DIDO1: variants seen among roughly 807,000 people sequenced by gnomAD.
The protein encoded by DIDO1 is death-inducer obliterator 1.
A neutral mutation model predicts 99.4 loss-of-function variants in DIDO1; 16 were observed. The observed-to-expected ratio is 0.16, with a 90% CI of 0.11 to 0.24. DIDO1 has a LOEUF of 0.24. DIDO1 is among the 10% of genes least tolerant of loss of function. The pLI is 1.00. For missense variants in DIDO1, 2,996 were observed against 3,014.0 expected, an observed-to-expected ratio of 0.99 and a Z score of 0.14; for synonymous variants, 1,366 against 1,239.1, an observed-to-expected ratio of 1.10 and a Z score of -2.15.
In DIDO1 at chr20:62,879,343, T is replaced by C. The variant is rs1344894787; in HGVS notation, c.6613A>G (p.Arg2205Gly). The C allele has an allele frequency of 2.6e-6, 4 of 1,553,840 alleles. No individual in the cohort carries two copies. The highest frequency in any genetic ancestry group is 3.5e-6 in the Non-Finnish European group (4 of 1,151,244). The change falls in exon 16 of 16, where the codon AGG becomes GGG. Residue 2205 changes from arginine to glycine, a missense_variant. Physicochemically the swap from Arg to Gly is moderately radical, Grantham distance 125. Coordinates refer to ENST00000395343, the MANE Select transcript of DIDO1 (RefSeq NM_001193369.2). This position sits in a 1 kb window ranked among gnomAD's most constrained non-coding sequence, Gnocchi z 6.3. ...TCCTTGCGGTCGCGGCCCCGCTCCCTGTCCCTGGCCTTGTCTCGGTCCCGC... is the reference window on the plus strand; with the variant it reads ...TCCTTGCGGTCGCGGCCCCGCTCCCCGTCCCTGGCCTTGTCTCGGTCCCGC... The part of the protein sequence containing the change: ...RERDRDKARD[R>G]ERGRDRKDRS...
At chr20:62,920,505 G>A (rs1279285542) in intron 1 of DIDO1, among the ~76,000 whole-genome samples, 2 of 152,216 alleles carry the variant, frequency 1.3e-5, no homozygotes, top group Non-Finnish European at 2.9e-5. Flanking sequence ...GCCCCAAGGG[G>A]CAAGCACATG....
In DIDO1 at chr20:62,907,163, G is replaced by C. The variant is rs759451853; in HGVS notation, c.1358C>G (p.Pro453Arg). The part of the protein sequence containing the change: ...MKMKPEKPSL[P>R]KCGAQAGIKI... ...TCCACTCACCTGAGCACCGCATTTC[G>C]GAAGACTGGGCTTCTCTGGCTTCAT... Residue 453 changes from proline (P) to arginine (R), a missense_variant, in exon 5 of 16, where the codon CCG becomes CGG. By Grantham distance (103) the Pro-to-Arg change is moderately radical. Coordinates refer to ENST00000395343, the MANE Select transcript of DIDO1 (RefSeq NM_001193369.2). The C allele has an allele frequency of 6.2e-7, 1 of 1,614,214 alleles. No homozygotes were observed.
In DIDO1 at chr20:62,879,238, C is replaced by T. The variant is rs1456840130; in HGVS notation, c.6718G>A (p.Ala2240Thr). The change falls in exon 16 of 16, where the codon GCC (alanine) becomes ACC (threonine). Residue 2240 changes from alanine to threonine, a missense_variant. This residue lies in a region of DIDO1 where 1,562 missense variants were observed against 1,412.6 expected (regional missense o/e 1.11). Transcript: ENST00000395343. This position sits in a 1 kb window ranked among gnomAD's most constrained non-coding sequence, Gnocchi z 6.3. ...RASDAGTASQ[A>T] ...TCTCTGCCCGGCCGGGGCGTCTAGG[C>T]CTGCGAGGCGGTGCCAGCGTCGGAG... 1 of 1,522,108 alleles carries T rather than the reference C, an allele frequency of 6.6e-7. No homozygotes were observed. Among genetic ancestry groups the T allele is most frequent in the Non-Finnish European group, 8.8e-7 (1 of 1,139,908 alleles). 94.3% of individuals were successfully genotyped at this position (1,522,108 alleles called of 1,614,324 possible).
rs2064189052 is a variant in DIDO1, at chr20:62,880,857, T to C, written c.5099A>G (p.Tyr1700Cys). ...AGAATGAAGATTTCTTGGGTCCTCA[T>C]ACTGGGCTGAGCCGAGAGCCTTGTC... ...SQDKALGSAQ[Y>C]EDPRNLHSAG... Residue 1700 changes from tyrosine (Y) to cysteine (C), a missense_variant, in exon 16 of 16, where the codon TAT (tyrosine) becomes TGT (cysteine). By Grantham distance (194) the Tyr-to-Cys change is radical (BLOSUM62 -2). This residue lies in a region of DIDO1 where 1,562 missense variants were observed against 1,412.6 expected (regional missense o/e 1.11). Coordinates refer to ENST00000395343, the MANE Select transcript of DIDO1 (RefSeq NM_001193369.2). 6.2e-7 allele frequency: 1 copy of C among 1,612,720 alleles called. No homozygotes were observed. The highest frequency in any genetic ancestry group is 8.5e-7 in the Non-Finnish European group (1 of 1,179,974).
intron 6 of DIDO1, among the ~76,000 whole-genome samples, chr20:62,900,538 A>G (rs550009194): frequency 6.6e-6 from 1 of 152,330 alleles, no homozygotes; most frequent in South Asian, 2.1e-4. Context: ...CCCCAGTGGA[A>G]GTTTTAGCAG....
Position 62,919,464 on chromosome 20 carries a change from C to G in DIDO1, c.-199-5058G>C, listed in dbSNP as rs554794814. Among the ~76,000 whole-genome samples the G allele has an allele frequency of 4.4e-4, 67 of 151,934 alleles. 1 individual carries two copies. The South Asian group carries it at 0.013, about 30-fold the overall frequency. On this transcript the variant is annotated intron_variant, in intron 1 of 15. Coordinates refer to ENST00000395343, the MANE Select transcript of DIDO1 (RefSeq NM_001193369.2). ...CTGAGGCAGGAGAATCACTTAAACC[C>G]GGGAAGCGGAGGTTGCAGTGAGCTG...
intron 15 of DIDO1, among the ~76,000 whole-genome samples, chr20:62,886,861 G>A (rs564914255): frequency 1.3e-5 from 2 of 152,292 alleles, no homozygotes; most frequent in East Asian, 3.9e-4. Flanking sequence ...GAAAGACTTG[G>A]CAATTAAGGT....
chr20:62,885,500 G>A (rs930399972), intron 15 of DIDO1, among the ~76,000 whole-genome samples: 21 of 152,176 alleles, frequency 1.4e-4, no homozygotes, highest in African/African-American at 5.1e-4. Flanking sequence ...TCCCAACCCT[G>A]GCAAGACTCG....
At chr20:62,926,082 C>G (rs575346531) in intron 1 of DIDO1, among the ~76,000 whole-genome samples, 1 of 152,120 alleles carries the variant, frequency 6.6e-6, no homozygotes, top group South Asian at 2.1e-4. Flanking sequence ...CCGCACTCGC[C>G]CAGGCCAGCC....
In DIDO1 at chr20:62,892,950, T is replaced by G; in HGVS notation, c.3114A>C (p.Ser1038=). 6.2e-7 allele frequency: 1 copy of G among 1,612,132 alleles called. No homozygotes were observed. Among genetic ancestry groups the G allele is most frequent in the Non-Finnish European group, 8.5e-7 (1 of 1,178,798 alleles). ...TCGTGTCTCCCTCTGGAGGGGAACG[T>G]GATTCTGAAGTGCTGTAAAACAAAA... The part of the protein sequence containing the change: ...PPSPNISTSE[S]RSPPEGDTTL... Residue 1038 remains serine, a synonymous_variant, in exon 13 of 16, where the codon TCA becomes TCC. Transcript: ENST00000395343.
exon 1 of DIDO1, chr20:62,937,877 C>T (rs898505924): frequency 2.5e-5 from 10 of 398,458 alleles, no homozygotes; most frequent in South Asian, 1.3e-4. Context: ...GCCATCTTGC[C>T]AGAGGGCCGA....
Position 62,881,971 on chromosome 20 carries a change from C to T in DIDO1, c.3985G>A (p.Asp1329Asn), listed in dbSNP as rs778429998. ...CCGGGAGGCTCTCTGGCGGACGGGT[C>T]GAATGATTTCTTCTTTCCAAAGAGA... is the stretch of plus-strand genomic sequence containing the variant. Reference protein sequence around the residue: ...QTLFGKKKSFDPSAREPPGST... With the variant: ...QTLFGKKKSFNPSAREPPGST... Residue 1329 changes from aspartate to asparagine, a missense_variant, in exon 16 of 16, where the codon GAC (aspartate) becomes AAC (asparagine). By Grantham distance (23) the Asp-to-Asn change is conservative. Around this residue, in one of 5 missense-constraint regions of DIDO1, gnomAD observed 1,562 missense variants for 1,412.6 expected, o/e 1.11. Transcript: ENST00000395343. This position sits in a 1 kb window ranked among gnomAD's most constrained non-coding sequence, Gnocchi z 8.3. The T allele has an allele frequency of 3.1e-6, 5 of 1,613,304 alleles. No homozygotes were observed. The highest frequency in any genetic ancestry group is 3.4e-6 in the Non-Finnish European group (4 of 1,180,028).
chr20:62,907,288 C>T lies in DIDO1; in HGVS notation c.1233G>A (p.Val411=), dbSNP rs774124676. The change falls in exon 5 of 16, where the codon GTG becomes GTA. Residue 411 remains valine (V), a synonymous_variant. Transcript: ENST00000395343. ...TGAGGATACAGTCATTACTGCAGTA[C>T]ACCGAGTCGGGCTGCGCCACGTGAC... is the stretch of plus-strand genomic sequence containing the variant. The part of the protein sequence containing the change: ...GCCHVAQPDS[V]YCSNDCILKH... The T allele has an allele frequency of 6.2e-7, 1 of 1,614,240 alleles. No individual in the cohort carries two copies. The highest frequency in any genetic ancestry group is 1.1e-5 in the South Asian group (1 of 91,084).
At chr20:62,927,907 GC>G (rs764840877), upstream of DIDO1, among the ~76,000 whole-genome samples, 8 of 152,186 alleles carry the variant, frequency 5.3e-5, no homozygotes, top group Non-Finnish European at 1.0e-4. Flanking sequence ...TGCAAAGAGG[GC>G]TTTTTGCTCT....
At position 62,937,012 on chromosome 20, in the gene DIDO1, A is replaced by C. The variant is rs543938811; in HGVS notation, c.-200+784T>G. Among the ~76,000 whole-genome samples the C allele has an allele frequency of 3.9e-5, 6 of 152,376 alleles. No homozygotes were observed. The South Asian group carries it at 1.2e-3, about 32-fold the overall frequency. ...CAGATTTAGCTCTTTCGATTAACGG[A>C]AAATGTCCAAAATCAGTCTCCTCCA... On this transcript the variant is annotated intron_variant, in intron 1 of 15. Coordinates refer to the DIDO1 transcript ENST00000266070.
rs146989656 is a variant in DIDO1, at chr20:62,911,329, T to G, written c.284A>C (p.Asp95Ala). 8.1e-5 allele frequency: 131 copies of G among 1,608,178 alleles called. No homozygotes were observed. The highest frequency in any genetic ancestry group is 9.9e-5 in the Non-Finnish European group (117 of 1,179,940). The change falls in exon 3 of 16, where the codon GAT becomes GCT. Residue 95 changes from aspartate (D) to alanine (A), a missense_variant. Transcript: ENST00000395343. The surrounding 1 kb of genome is among the most constrained non-coding windows in gnomAD (Gnocchi z 7.0). ...GGGGCAGGACGTGGGCTCACCAGAA[T>G]CCTCCAGGGAGACAGGCATGCTCCT... ...GRRSMPVSLEDSGEPTSCPAT... is the reference protein window; with the variant it reads ...GRRSMPVSLEASGEPTSCPAT...
rs148606635 is a variant in DIDO1, at chr20:62,920,119, C to A, written c.-199-5713G>T. ...ACCACTTGGGCCCTGGTGAGGACCACAATGCACAGGTTCTTATCCCCATGA... is the reference window on the plus strand; with the variant it reads ...ACCACTTGGGCCCTGGTGAGGACCAAAATGCACAGGTTCTTATCCCCATGA... On this transcript the variant is annotated intron_variant, in intron 1 of 15. Transcript: ENST00000395343. Among the ~76,000 whole-genome samples, 25 of 152,306 alleles carry A rather than the reference C, an allele frequency of 1.6e-4. No homozygotes were observed. The East Asian group carries it at 4.6e-3, about 28-fold the overall frequency.
chr20:62,917,837 A>C (rs549238600), intron 1 of DIDO1, among the ~76,000 whole-genome samples: 1 of 152,348 alleles, frequency 6.6e-6, no homozygotes, highest in Admixed American at 6.5e-5. Flanking sequence ...TGCAAATGTC[A>C]AACTCACCAG....
intron 6 of DIDO1, among the ~76,000 whole-genome samples, chr20:62,900,440 G>A (rs1027757502): frequency 6.6e-6 from 1 of 152,232 alleles, no homozygotes; most frequent in Non-Finnish European, 1.5e-5. Context: ...GGTGGCACCA[G>A]GGCCTGAGCA....
Sources: allele counts gnomAD v4.1 joint callset (sites outside exome capture counted in the v4.1 genomes callset), GRCh38; gene constraint gnomAD v4.1.1; regional missense constraint gnomAD v4.1.1; non-coding constraint Gnocchi (gnomAD v3.1); transcripts MANE v1.5; gene names NCBI Gene and HGNC (gene_info 2026-07-23, HGNC 2026-07-21).